The following LYN variants were observed in gnomAD, a reference collection of about 807,000 sequenced individuals.
LYN encodes tyrosine-protein kinase Lyn.
In LYN, 12 loss-of-function variants were observed where a neutral mutation model predicts 65.0. That is an observed-to-expected ratio of 0.18 (90% CI 0.12 to 0.30). The LOEUF (loss-of-function observed/expected upper bound fraction) is 0.30, where lower values mean the gene tolerates loss of function less well. Among genes scored for constraint, LYN ranks in the 10% least tolerant of loss-of-function variants. The pLI is 1.00. For missense variants in LYN, 380 were observed against 623.2 expected, an observed-to-expected ratio of 0.61 and a Z score of 4.16; for synonymous variants, 222 against 221.2, an observed-to-expected ratio of 1.00 and a Z score of -0.03.
Position 56,012,237 on chromosome 8 carries a change from G to A in LYN, c.*2127G>A, listed in dbSNP as rs773306278. 1.9e-4 allele frequency: 35 copies of A among 181,072 alleles called. No individual in the cohort carries two copies. Among genetic ancestry groups the A allele is most frequent in the Non-Finnish European group, 3.7e-4 (31 of 84,846 alleles). 11.2% of individuals were successfully genotyped at this position (181,072 alleles called of 1,614,324 possible). On this transcript the variant is annotated 3_prime_UTR_variant, in exon 13 of 13. Coordinates refer to ENST00000519728, the MANE Select transcript of LYN (RefSeq NM_002350.4). ...AGCTATAGGTTTCCAGCCTCCCTGTGACAGACAGGCATAATGAGGGGCTGA... is the reference window on the plus strand; with the variant it reads ...AGCTATAGGTTTCCAGCCTCCCTGTAACAGACAGGCATAATGAGGGGCTGA...
intron 8 of LYN, among the ~76,000 whole-genome samples, chr8:55,962,308 G>T (rs901226901): frequency 6.6e-6 from 1 of 151,984 alleles, no homozygotes; most frequent in African/African-American, 2.4e-5. Context: ...TTTGGGTGTG[G>T]CTATTGTTTA....
intron 1 of LYN, among the ~76,000 whole-genome samples, chr8:55,904,092 C>A (rs145868845): frequency 1.3e-5 from 2 of 151,910 alleles, no homozygotes; most frequent in African/African-American, 4.8e-5. Context: ...AAAATGTGTT[C>A]TCTGAAAGTT....
intron 1 of LYN, among the ~76,000 whole-genome samples, chr8:55,941,338 A>C (rs751589745): frequency 2.4e-4 from 37 of 152,114 alleles, no homozygotes; most frequent in Admixed American, 9.8e-4. Context: ...TTGTAGATAG[A>C]GCTCATTTTC....
intron 7 of LYN, among the ~76,000 whole-genome samples, chr8:55,952,607 T>C (rs1489915341): frequency 1.3e-5 from 2 of 152,206 alleles, no homozygotes; most frequent in Non-Finnish European, 2.9e-5. Flanking sequence ...TACAGTTAAA[T>C]ACACAAAGTA....
At chr8:55,929,196 T>G (rs1276222272) in intron 1 of LYN, among the ~76,000 whole-genome samples, 1 of 152,234 alleles carries the variant, frequency 6.6e-6, no homozygotes, top group Non-Finnish European at 1.5e-5. Context: ...TTGTAGCTAA[T>G]CTTGGTTTGT....
At chr8:56,006,492 C>G (rs2130598597) in intron 12 of LYN, among the ~76,000 whole-genome samples, 1 of 152,226 alleles carries the variant, frequency 6.6e-6, no homozygotes, top group South Asian at 2.1e-4. Flanking sequence ...TTCCTTTTCT[C>G]TACTGTACCA....
chr8:55,907,558 C>CT (rs545244471), intron 1 of LYN, among the ~76,000 whole-genome samples: 31 of 151,078 alleles, frequency 2.1e-4, no homozygotes, highest in African/African-American at 5.6e-4. Flanking sequence ...ATTGTAGGTG[C>CT]TTTTTTTTTG....
intron 1 of LYN, among the ~76,000 whole-genome samples, chr8:55,901,681 T>G (rs1805269796): frequency 6.6e-6 from 1 of 152,172 alleles, no homozygotes; most frequent in African/African-American, 2.4e-5. Context: ...GGCATACACT[T>G]CAGGAAACCC....
chr8:55,940,635 A>G (rs1806582618), intron 1 of LYN, among the ~76,000 whole-genome samples: 1 of 152,184 alleles, frequency 6.6e-6, no homozygotes, highest in African/African-American at 2.4e-5. Flanking sequence ...TGGCTTCACA[A>G]AGTGCTGGGA....
intron 10 of LYN, among the ~76,000 whole-genome samples, chr8:55,995,555 ACAGGTAGT>A (rs1808351038): frequency 6.6e-6 from 1 of 152,286 alleles, no homozygotes; most frequent in Non-Finnish European, 1.5e-5. Flanking sequence ...GAAATTGTGG[ACAGGTAGT>A]CAGGTGAGGA....
intron 1 of LYN, among the ~76,000 whole-genome samples, chr8:55,918,207 C>T (rs1361967021): frequency 6.6e-6 from 1 of 152,216 alleles, no homozygotes; most frequent in Non-Finnish European, 1.5e-5. Context: ...CTGTTTCCTT[C>T]CACAAGGCCT....
chr8:55,915,785 GAGAGAGAAAGAGAAGGAAAGAGAGAGAGA>G (rs1180301465), intron 1 of LYN, among the ~76,000 whole-genome samples: 2 of 152,062 alleles, frequency 1.3e-5, no homozygotes, highest in Non-Finnish European at 2.9e-5. Flanking sequence ...GCCAAAGAGA[GAGAGAGAAAGAGAAGGAAAGAGAGAGAGA>G]AGAGAGAAAG....
intron 1 of LYN, among the ~76,000 whole-genome samples, chr8:55,910,900 T>G (rs1805579796): frequency 7.6e-6 from 1 of 132,136 alleles, no homozygotes; most frequent in South Asian, 2.4e-4. Flanking sequence ...ACTAATTTTG[T>G]TTTTTTTTTT....
chr8:55,924,372 T>C (rs1273004136), intron 1 of LYN, among the ~76,000 whole-genome samples: 1 of 151,286 alleles, frequency 6.6e-6, no homozygotes, highest in East Asian at 1.9e-4. Flanking sequence ...TTTTTTTTTT[T>C]CTTTTTTTGA....
chr8:55,966,695 G>T lies in LYN; in HGVS notation c.791-20G>T. 1 of 1,606,668 alleles carries T rather than the reference G, an allele frequency of 6.2e-7. No individual in the cohort carries two copies. On this transcript the variant is annotated intron_variant, in intron 8 of 12. Coordinates refer to ENST00000519728, the MANE Select transcript of LYN (RefSeq NM_002350.4). Reference sequence around the variant, plus strand: ...ATTTTCTGTTTTATAAAGCATGCCCGCCTTCTTTTTTCTTCCTAGGTTACT... The same window carrying T: ...ATTTTCTGTTTTATAAAGCATGCCCTCCTTCTTTTTTCTTCCTAGGTTACT...
chr8:55,926,883 C>T (rs982302448), intron 1 of LYN, among the ~76,000 whole-genome samples: 3 of 152,240 alleles, frequency 2.0e-5, no homozygotes, highest in Non-Finnish European at 4.4e-5. Flanking sequence ...TTTTTTACTG[C>T]TCCTTGTGGA....
At chr8:55,881,667 C>T (rs1429762825) in intron 1 of LYN, among the ~76,000 whole-genome samples, 1 of 152,124 alleles carries the variant, frequency 6.6e-6, no homozygotes, top group African/African-American at 2.4e-5. Context: ...GAGCCAGGAA[C>T]CTTGAGTTTT....
intron 10 of LYN, among the ~76,000 whole-genome samples, chr8:55,988,435 G>A (rs1808143685): frequency 6.6e-6 from 1 of 151,610 alleles, no homozygotes; most frequent in East Asian, 1.9e-4. Flanking sequence ...AGAGACTGTA[G>A]GTTTTACTCA....
chr8:55,958,418 G>A (rs1807181123), intron 8 of LYN, among the ~76,000 whole-genome samples: 1 of 152,186 alleles, frequency 6.6e-6, no homozygotes, highest in Non-Finnish European at 1.5e-5. Context: ...TAAAAATCTT[G>A]AGAAAATACA....
Sources: gnomAD v4.1 joint callset for allele counts (sites outside exome capture counted in the v4.1 genomes callset) on GRCh38, gnomAD v4.1.1 for gene constraint, MANE v1.5 for transcripts, NCBI Gene and HGNC (gene_info 2026-07-23, HGNC 2026-07-21) for gene names.